Variants in PPP6R3 observed in about 807,000 individuals in gnomAD.
PPP6R3 encodes the protein serine/threonine-protein phosphatase 6 regulatory subunit 3.
Under a neutral mutation model 110.7 loss-of-function variants are expected in PPP6R3, and 38 were observed. That is an observed-to-expected ratio of 0.34 (90% confidence interval 0.26 to 0.45). The LOEUF is 0.45. PPP6R3 is among the 20% of genes least tolerant of loss of function. PPP6R3 has a pLI of 1.00. For missense variants in PPP6R3, 870 were observed against 1,062.4 expected, an observed-to-expected ratio of 0.82 and a Z score of 2.52; for synonymous variants, 369 against 373.5, an observed-to-expected ratio of 0.99 and a Z score of 0.14.
chr11:68,465,130 C>T (rs367985037), intron 1 of PPP6R3, among the ~76,000 whole-genome samples: 1 of 152,214 alleles, frequency 6.6e-6, no homozygotes, highest in African/African-American at 2.4e-5. Context: ...GATCCGCCCG[C>T]CTCGGCCTCC....
chr11:68,614,806 G>T lies in PPP6R3; in HGVS notation c.*1689G>T. 6.7e-7 allele frequency: 1 copy of T among 1,487,718 alleles called. No homozygotes were observed. 92.2% of individuals were successfully genotyped at this position (1,487,718 alleles called of 1,614,324 possible). A position where few individuals can be genotyped will look rare whatever the true frequency, so the allele number is the denominator to read the frequency against. On this transcript the variant is annotated 3_prime_UTR_variant, in exon 24 of 24. Coordinates refer to ENST00000393800, the MANE Select transcript of PPP6R3 (RefSeq NM_001164161.2). Reference sequence around the variant, plus strand: ...TCCTCTGGAAGCAGCACCCCCAGAGGACAGGGCTCCTCCTGCTTGCCTCAG... The same window carrying T: ...TCCTCTGGAAGCAGCACCCCCAGAGTACAGGGCTCCTCCTGCTTGCCTCAG...
intron 14 of PPP6R3, among the ~76,000 whole-genome samples, chr11:68,578,196 C>T (rs1488078213): frequency 6.6e-6 from 1 of 152,110 alleles, no homozygotes; most frequent in African/African-American, 2.4e-5. Flanking sequence ...CATTCATTTT[C>T]CTGTCCAGAA....
chr11:68,587,179 C>G (rs1386527171), intron 15 of PPP6R3: 2 of 144,164 alleles, frequency 1.4e-5, no homozygotes, highest in South Asian at 2.2e-4. Context: ...TTATAACACC[C>G]CCCCCCCCCA....
At chr11:68,467,891 C>T (rs1430851821) in intron 1 of PPP6R3, among the ~76,000 whole-genome samples, 3 of 152,228 alleles carry the variant, frequency 2.0e-5, no homozygotes, top group South Asian at 2.1e-4. Flanking sequence ...TCTCCTGCCT[C>T]AGCCTCCCGA....
Position 68,551,186 on chromosome 11 carries a change from T to C in PPP6R3, c.618T>C (p.Asp206=). ...VEIVHPSQEE[D]RHSNASQSLC... Reference sequence around the variant, plus strand: ...TAGTTCATCCATCGCAAGAAGAAGATGTAAGTTCACTTGTGTGACTGTAAA... The same window carrying C: ...TAGTTCATCCATCGCAAGAAGAAGACGTAAGTTCACTTGTGTGACTGTAAA... The change falls in exon 6 of 24, where the codon GAT becomes GAC. Residue 206 remains aspartate (D), a splice_region_variant and synonymous_variant. Transcript: ENST00000393800. The C allele has an allele frequency of 6.2e-7, 1 of 1,607,566 alleles. No individual in the cohort carries two copies. The highest frequency in any genetic ancestry group is 8.5e-7 in the Non-Finnish European group (1 of 1,175,922).
intron 1 of PPP6R3, among the ~76,000 whole-genome samples, chr11:68,477,741 A>AATATATATATAT (rs1179617745): frequency 1.1e-3 from 63 of 57,884 alleles, no homozygotes; most frequent in Middle Eastern, 0.011. Context: ...AAAAAAAAAA[A>AATATATATATAT]ATATATATAT....
intron 19 of PPP6R3, 81 bp downstream of exon 19, chr11:68,596,299 G>A: frequency 6.4e-7 from 1 of 1,558,712 alleles, no homozygotes. Context: ...GCAGTTCACA[G>A]CATCTGAGAT....
chr11:68,594,203 T>C (rs1340043927), intron 18 of PPP6R3, among the ~76,000 whole-genome samples: 2 of 151,794 alleles, frequency 1.3e-5, no homozygotes, highest in Non-Finnish European at 2.9e-5. Flanking sequence ...TTTAAATGTT[T>C]ACACAACCTA....
chr11:68,491,707 TC>T (rs1002360825), intron 1 of PPP6R3, among the ~76,000 whole-genome samples: 31 of 152,202 alleles, frequency 2.0e-4, no homozygotes, highest in African/African-American at 7.2e-4. Context: ...ACATTGTTGA[TC>T]AACCATCATC....
chr11:68,592,300 T>G (rs2099597918), intron 18 of PPP6R3, among the ~76,000 whole-genome samples: 1 of 152,352 alleles, frequency 6.6e-6, no homozygotes, highest in South Asian at 2.1e-4. Flanking sequence ...GAGAGGAATA[T>G]TTGAACAACA....
At chr11:68,499,127 GT>G (rs1344202999) in intron 1 of PPP6R3, among the ~76,000 whole-genome samples, 1 of 150,532 alleles carries the variant, frequency 6.6e-6, no homozygotes, top group African/African-American at 2.5e-5. Context: ...TCTTTTTTCT[GT>G]TTTTATTACC....
At chr11:68,594,689 AC>A (rs2099608128) in intron 18 of PPP6R3, among the ~76,000 whole-genome samples, 1 of 152,176 alleles carries the variant, frequency 6.6e-6, no homozygotes, top group Admixed American at 6.6e-5. Context: ...TTCAACACAA[AC>A]AAAATCCTTC....
At chr11:68,479,998 C>T (rs116863097) in intron 1 of PPP6R3, among the ~76,000 whole-genome samples, 2 of 152,078 alleles carry the variant, frequency 1.3e-5, no homozygotes, top group East Asian at 3.9e-4. Context: ...TCCCAAAGTG[C>T]TGGGATTACA....
intron 3 of PPP6R3, among the ~76,000 whole-genome samples, chr11:68,542,974 CAGTTG>C (rs1351957416): frequency 6.6e-6 from 1 of 152,172 alleles, no homozygotes. Flanking sequence ...CACATTAAGA[CAGTTG>C]AGTGAGTGCA....
intron 22 of PPP6R3, 115 bp from the exon 23 acceptor site, chr11:68,609,789 G>T: frequency 1.3e-6 from 2 of 1,565,620 alleles, no homozygotes; most frequent in Non-Finnish European, 1.8e-6. Flanking sequence ...GTCCCAGGAT[G>T]CTTTGCCTCC....
chr11:68,487,201 A>G (rs1193300058), intron 1 of PPP6R3, among the ~76,000 whole-genome samples: 4 of 152,148 alleles, frequency 2.6e-5, no homozygotes, highest in East Asian at 1.9e-4. Flanking sequence ...GTATTACTCA[A>G]TGCTATAAAT....
At position 68,567,048 on chromosome 11, in the gene PPP6R3, A is replaced by G; in HGVS notation, c.1010A>G (p.Asp337Gly). The G allele has an allele frequency of 6.4e-7, 1 of 1,551,482 alleles. No individual in the cohort carries two copies. Among genetic ancestry groups the G allele is most frequent in the African/African-American group, 1.4e-5 (1 of 73,136 alleles). The change falls in exon 10 of 24, where the codon GAT becomes GGT. Residue 337 changes from aspartate to glycine, a missense_variant. Asp to Gly is a moderately conservative substitution (Grantham distance 94). Transcript: ENST00000393800. ...SVMKTTWGVL[D>G]PPVGNTRLNV... ...ATGAAGACCACATGGGGTGTGCTGG[A>G]TCCTCCTGTGGGGAATACCCGGTTG...
At chr11:68,587,583 G>A in intron 15 of PPP6R3, 1 of 358,852 alleles carries the variant, frequency 2.8e-6, no homozygotes, top group Non-Finnish European at 5.3e-6. Flanking sequence ...AGAGGTGACT[G>A]ATACACCTTA....
chr11:68,606,244 G>C (rs2153959446), intron 22 of PPP6R3, among the ~76,000 whole-genome samples: 1 of 152,234 alleles, frequency 6.6e-6, no homozygotes, highest in South Asian at 2.1e-4. Flanking sequence ...AAAACTCTGA[G>C]AAAACCAGTA....
Sources: gnomAD v4.1 joint callset for allele counts (sites outside exome capture counted in the v4.1 genomes callset) on GRCh38, gnomAD v4.1.1 for gene constraint, MANE v1.5 for transcripts, NCBI Gene and HGNC (gene_info 2026-07-23, HGNC 2026-07-21) for gene names.